Variants in RAB18 observed in about 807,000 individuals in gnomAD.
RAB18 encodes RAB18, member RAS oncogene family.
RAB18 carries 10 observed loss-of-function variants against 28.5 expected under a neutral mutation model. The ratio of observed to expected loss-of-function variants is 0.35; its 90% CI spans 0.22 to 0.60. The LOEUF is 0.60. Among genes scored for constraint, RAB18 ranks in the 20% least tolerant of loss-of-function variants. RAB18 has a pLI of 0.78. For missense variants in RAB18, 188 were observed against 244.2 expected (o/e 0.77, Z 1.53); for synonymous variants, 93 against 86.9 (o/e 1.07, Z -0.39).
chr10:27,519,415 T>C (rs1162268887), intron 2 of RAB18, among the ~76,000 whole-genome samples: 1 of 152,068 alleles, frequency 6.6e-6, no homozygotes, highest in Non-Finnish European at 1.5e-5. Flanking sequence ...TCGGTTGTAC[T>C]AGAAATTTTT....
In RAB18 at chr10:27,539,166, G is replaced by T; in HGVS notation, c.*1115G>T. 2.9e-6 allele frequency: 1 copy of T among 349,122 alleles called. No individual in the cohort carries two copies. The highest frequency in any genetic ancestry group is 5.6e-6 in the Non-Finnish European group (1 of 178,654). The allele number at this position is 349,122 out of a possible 1,614,324, so 21.6% of individuals were successfully genotyped here. On this transcript the variant is annotated 3_prime_UTR_variant, in exon 7 of 7. Transcript: ENST00000356940. ...TAATAAATCTTTTTCACAGTATTCA[G>T]TTTTCTCACCTCTTGCTATTGTATA...
intron 2 of RAB18, among the ~76,000 whole-genome samples, chr10:27,517,975 T>G (rs1277120869): frequency 6.6e-6 from 1 of 152,126 alleles, no homozygotes; most frequent in African/African-American, 2.4e-5. Flanking sequence ...TTAATTATAC[T>G]TTAAGTTTTA....
intron 4 of RAB18, 65 bp from the exon 5 acceptor site, chr10:27,533,670 T>G: frequency 6.3e-7 from 1 of 1,581,666 alleles, no homozygotes; most frequent in Non-Finnish European, 8.6e-7. Flanking sequence ...CCTAGCTACA[T>G]ATCAGAAATA....
At chr10:27,530,760 A>G (rs1312778809) in intron 3 of RAB18, among the ~76,000 whole-genome samples, 1 of 151,878 alleles carries the variant, frequency 6.6e-6, no homozygotes, top group African/African-American at 2.4e-5. Flanking sequence ...TCATTTTACT[A>G]TGATATGCAT....
intron 2 of RAB18, among the ~76,000 whole-genome samples, chr10:27,524,919 C>T (rs1184250224): frequency 6.6e-6 from 1 of 152,182 alleles, no homozygotes. Context: ...TTAGGTGCCC[C>T]TTCAGGCTAC....
intron 2 of RAB18, among the ~76,000 whole-genome samples, chr10:27,525,903 GAATT>G (rs930114608): frequency 9.2e-5 from 14 of 152,290 alleles, no homozygotes; most frequent in African/African-American, 3.1e-4. Flanking sequence ...GGGCTGTTCT[GAATT>G]AATTGTGACA....
At position 27,540,473 on chromosome 10, in the gene RAB18, T is replaced by G; in HGVS notation, c.*2422T>G. 2.2e-6 allele frequency: 1 copy of G among 454,100 alleles called. No individual in the cohort carries two copies. The highest frequency in any genetic ancestry group is 4.4e-6 in the Non-Finnish European group (1 of 226,774). The allele number at this position is 454,100 out of a possible 1,614,324, so 28.1% of individuals were successfully genotyped here. On this transcript the variant is annotated 3_prime_UTR_variant, in exon 7 of 7. Transcript: ENST00000356940. ...AAGTTAAGGCAGTTCCACTATTTCT[T>G]TATCACTCTTTTGTTATATGTAATA...
At chr10:27,504,991 G>A (rs772160973) in intron 1 of RAB18, 2 of 533,584 alleles carry the variant, frequency 3.7e-6, no homozygotes, top group South Asian at 1.4e-5. Flanking sequence ...GGCTGTGAAA[G>A]AACTGGATCT....
At chr10:27,530,851 T>C (rs2132404343) in intron 3 of RAB18, among the ~76,000 whole-genome samples, 1 of 152,034 alleles carries the variant, frequency 6.6e-6, no homozygotes, top group South Asian at 2.1e-4. Context: ...AGCATAGTGA[T>C]CAAAAAAGAT....
Position 27,540,127 on chromosome 10 carries a change from AC to A in RAB18, c.*2079del, listed in dbSNP as rs1364714229. ...TTGAGTTCTAGTAGTACTGAGATTGACCCAAACAAATAAAAAACTATTCAAT... is the reference window on the plus strand; with the variant it reads ...TTGAGTTCTAGTAGTACTGAGATTGACCAAACAAATAAAAAACTATTCAAT... On this transcript the variant is annotated 3_prime_UTR_variant, in exon 7 of 7. Transcript: ENST00000356940. The A allele has an allele frequency of 4.4e-6, 2 of 454,048 alleles. No homozygotes were observed. Among genetic ancestry groups the A allele is most frequent in the Admixed American group, 4.7e-5 (2 of 42,572 alleles). The allele number at this position is 454,048 out of a possible 1,614,324, so 28.1% of individuals were successfully genotyped here.
At chr10:27,505,180 T>TCA (rs1283949070) in intron 1 of RAB18, 1 of 529,618 alleles carries the variant, frequency 1.9e-6, no homozygotes. Flanking sequence ...GACAGTGGAG[T>TCA]TGAGTATAAG....
chr10:27,532,562 C>T lies in RAB18; in HGVS notation c.242C>T (p.Ala81Val). The T allele has an allele frequency of 6.2e-7, 1 of 1,600,962 alleles. No individual in the cohort carries two copies. Among genetic ancestry groups the T allele is most frequent in the Non-Finnish European group, 8.6e-7 (1 of 1,169,194 alleles). Residue 81 changes from alanine (A) to valine (V), a missense_variant, in exon 4 of 7, where the codon GCA becomes GTA. By Grantham distance (64) the Ala-to-Val change is moderately conservative. Transcript: ENST00000356940. The stretch of plus-strand genomic sequence containing the variant: ...TTAACTCCCAGCTATTATAGAGGTG[C>T]ACAGGGTGTTATATTAGGTAAGTGT... ...RTLTPSYYRGAQGVILVYDVT... is the reference protein window; with the variant it reads ...RTLTPSYYRGVQGVILVYDVT...
At chr10:27,524,559 C>A (rs1335608903) in intron 2 of RAB18, among the ~76,000 whole-genome samples, 1 of 152,190 alleles carries the variant, frequency 6.6e-6, no homozygotes, top group Non-Finnish European at 1.5e-5. Context: ...AAAAAAGATT[C>A]TTGCAAAGAA....
intron 1 of RAB18, chr10:27,504,746 G>A (rs1255427136): frequency 1.6e-6 from 1 of 618,124 alleles, no homozygotes; most frequent in Non-Finnish European, 3.1e-6. Flanking sequence ...GGAGCTCAGG[G>A]CGTGGCGGGC....
In RAB18 at chr10:27,539,042, C is replaced by T. The variant is rs933901936; in HGVS notation, c.*991C>T. ...ATAATTTGAAAAAGGCATATTGCTT[C>T]CAGATTCTGATGTGTGAGGGAAAAT... is the stretch of plus-strand genomic sequence containing the variant. On this transcript the variant is annotated 3_prime_UTR_variant, in exon 7 of 7. Transcript: ENST00000356940. 7.0e-6 allele frequency: 3 copies of T among 430,496 alleles called. No homozygotes were observed. Among genetic ancestry groups the T allele is most frequent in the African/African-American group, 6.1e-5 (3 of 48,954 alleles). The allele number at this position is 430,496 out of a possible 1,614,324, so 26.7% of individuals were successfully genotyped here. A position where few individuals can be genotyped will look rare whatever the true frequency, so the allele number is the denominator to read the frequency against.
intron 2 of RAB18, among the ~76,000 whole-genome samples, chr10:27,524,051 G>C (rs1367702184): frequency 1.3e-5 from 2 of 151,892 alleles, no homozygotes; most frequent in Admixed American, 1.3e-4. Flanking sequence ...CTGCACTCCA[G>C]CCTGGCCAAC....
chr10:27,510,132 T>C (rs1834297069), intron 2 of RAB18: 3 of 598,726 alleles, frequency 5.0e-6, no homozygotes, highest in East Asian at 5.7e-5. Context: ...ATAACTTCCT[T>C]ATCTGTTGTC....
intron 3 of RAB18, 131 bp from the exon 4 acceptor site, chr10:27,532,376 A>AAAAT: frequency 1.6e-6 from 1 of 621,302 alleles, no homozygotes; most frequent in Admixed American, 2.9e-5. Context: ...ATCTTATTTA[A>AAAAT]GTTCCAGTTT....
Position 27,540,400 on chromosome 10 carries a change from G to A in RAB18, c.*2349G>A, listed in dbSNP as rs780788110. On this transcript the variant is annotated 3_prime_UTR_variant, in exon 7 of 7. Coordinates refer to ENST00000356940, the MANE Select transcript of RAB18 (RefSeq NM_021252.5). The stretch of plus-strand genomic sequence containing the variant: ...TTCTGAGCCCATACTCTTCACCATC[G>A]CTCATTTTACAATGGGTAGTTAGTT... 2.2e-5 allele frequency: 10 copies of A among 453,844 alleles called. No individual in the cohort carries two copies. Among genetic ancestry groups the A allele is most frequent in the East Asian group, 1.4e-4 (2 of 14,402 alleles). 28.1% of individuals were successfully genotyped at this position (453,844 alleles called of 1,614,324 possible). A position where few individuals can be genotyped will look rare whatever the true frequency, so the allele number is the denominator to read the frequency against.
Sources: gnomAD v4.1 joint callset for allele counts (sites outside exome capture counted in the v4.1 genomes callset) on GRCh38, gnomAD v4.1.1 for gene constraint, MANE v1.5 for transcripts, NCBI Gene and HGNC (gene_info 2026-07-23, HGNC 2026-07-21) for gene names.